The following FOXN3 variants were observed in gnomAD, a reference collection of about 807,000 sequenced individuals.
FOXN3 encodes forkhead box N3.
FOXN3 carries 7 observed loss-of-function variants against 38.4 expected under a neutral mutation model. The ratio of observed to expected loss-of-function variants is 0.18; its 90% confidence interval spans 0.10 to 0.34. The LOEUF is 0.34. Ranked by LOEUF, FOXN3 falls within the 10% of genes least tolerant of loss-of-function variation. The pLI is 1.00. For synonymous variants in FOXN3, 230 were observed against 242.2 expected (o/e 0.95, Z 0.47); for missense variants, 456 against 613.4 (o/e 0.74, Z 2.71).
chr14:89,463,690 A>G (rs375422758), intron 1 of FOXN3, among the ~76,000 whole-genome samples: 1 of 151,956 alleles, frequency 6.6e-6, no homozygotes, highest in East Asian at 1.9e-4. Flanking sequence ...ACATGACATC[A>G]TTGCTTCAGG....
intron 1 of FOXN3, among the ~76,000 whole-genome samples, chr14:89,567,969 G>A (rs143137745): frequency 0.011 from 1,698 of 151,914 alleles, 29 homozygotes; most frequent in African/African-American, 0.039. Context: ...TGATCCACCC[G>A]CCTCGGCCTC....
At chr14:89,586,605 G>C (rs775341054) in intron 1 of FOXN3, among the ~76,000 whole-genome samples, 2 of 152,190 alleles carry the variant, frequency 1.3e-5, no homozygotes, top group Non-Finnish European at 2.9e-5. Context: ...AAGGTATGCT[G>C]TTTTTTTGTT....
At chr14:89,453,749 CAT>C (rs986153626) in intron 1 of FOXN3, among the ~76,000 whole-genome samples, 2 of 152,068 alleles carry the variant, frequency 1.3e-5, no homozygotes, top group Non-Finnish European at 2.9e-5. Flanking sequence ...TGGGCCCCAT[CAT>C]TTTTAGAGGA....
chr14:89,498,380 AC>A (rs1893731598), intron 1 of FOXN3, among the ~76,000 whole-genome samples: 1 of 151,340 alleles, frequency 6.6e-6, no homozygotes, highest in African/African-American at 2.4e-5. Flanking sequence ...GTGCCACCAC[AC>A]CCAGCTAAAT....
chr14:89,433,721 T>C (rs1325071796), intron 1 of FOXN3, among the ~76,000 whole-genome samples: 5 of 150,112 alleles, frequency 3.3e-5, no homozygotes, highest in Non-Finnish European at 5.9e-5. Context: ...GTAGAATCGC[T>C]TGAATCCAGG....
intron 4 of FOXN3, among the ~76,000 whole-genome samples, chr14:89,267,469 G>A (rs1886019869): frequency 6.6e-6 from 1 of 152,136 alleles, no homozygotes; most frequent in South Asian, 2.1e-4. Context: ...GCTGGGGGAG[G>A]GGAAATGGAA....
intron 2 of FOXN3, among the ~76,000 whole-genome samples, chr14:89,363,965 T>TATATATATATATATA (rs1890019639): frequency 2.5e-5 from 1 of 39,598 alleles, no homozygotes. Flanking sequence ...TATATATATA[T>TATATATATATATATA]ATATATATAT....
chr14:89,580,509 A>C (rs1335170752), intron 1 of FOXN3, among the ~76,000 whole-genome samples: 1 of 152,216 alleles, frequency 6.6e-6, no homozygotes, highest in African/African-American at 2.4e-5. Flanking sequence ...AAGGGGATAC[A>C]GTCTCATCCT....
chr14:89,407,537 C>T (rs946494194), intron 2 of FOXN3, among the ~76,000 whole-genome samples: 17 of 152,196 alleles, frequency 1.1e-4, no homozygotes, highest in Non-Finnish European at 4.4e-5. Flanking sequence ...CTGCTTCAAA[C>T]TACTTCAGCA....
rs557627453 is a variant in FOXN3 at position 89,328,724 on chromosome 14, A to C, written c.680+21948T>G. Among the ~76,000 whole-genome samples, 5 of 152,338 alleles carry C rather than the reference A, an allele frequency of 3.3e-5. No homozygotes were observed. The South Asian group carries it at 1.0e-3, about 32-fold the overall frequency. On this transcript the variant is annotated intron_variant, in intron 3 of 5. Coordinates refer to ENST00000557258, the MANE Select transcript of FOXN3 (RefSeq NM_005197.4). ...AAACGGAGGCTTGGCTTTTTGGAGG[A>C]TGGCCCTTAGGAATCCATCTGGGGC... is the stretch of plus-strand genomic sequence containing the variant.
intron 1 of FOXN3, among the ~76,000 whole-genome samples, chr14:89,530,673 G>C (rs145374847): frequency 0.13 from 19,205 of 151,276 alleles, 2,097 homozygotes; most frequent in African/African-American, 0.3. Context: ...GCAGTGGCAC[G>C]ATCTTGGCTC....
chr14:89,436,009 A>AT (rs950467213), intron 1 of FOXN3, among the ~76,000 whole-genome samples: 1 of 81,196 alleles, frequency 1.2e-5, no homozygotes, highest in African/African-American at 3.9e-5. Flanking sequence ...ATTTTTCTTT[A>AT]TTATTTTTTT....
chr14:89,449,688 G>A (rs867188942), intron 1 of FOXN3, among the ~76,000 whole-genome samples: 7 of 152,174 alleles, frequency 4.6e-5, no homozygotes, highest in Non-Finnish European at 7.3e-5. Context: ...TTGCAATCTC[G>A]TTTGGAGCAG....
intron 1 of FOXN3, among the ~76,000 whole-genome samples, chr14:89,476,561 T>C (rs1893213438): frequency 6.6e-6 from 1 of 152,242 alleles, no homozygotes; most frequent in South Asian, 2.1e-4. Flanking sequence ...GGAGTTCATA[T>C]GCACACATCA....
intron 1 of FOXN3, among the ~76,000 whole-genome samples, chr14:89,458,071 G>T (rs1282446055): frequency 6.6e-6 from 1 of 150,772 alleles, no homozygotes; most frequent in Non-Finnish European, 1.5e-5. Context: ...GGCATGGAGA[G>T]TGCTGTGTCT....
chr14:89,496,504 G>A (rs960591296), intron 1 of FOXN3, among the ~76,000 whole-genome samples: 1 of 151,924 alleles, frequency 6.6e-6, no homozygotes, highest in Non-Finnish European at 1.5e-5. Context: ...AAAGATACCT[G>A]GGGGGGTCCT....
At chr14:89,352,593 A>C (rs1351385192) in intron 2 of FOXN3, among the ~76,000 whole-genome samples, 1 of 152,184 alleles carries the variant, frequency 6.6e-6, no homozygotes, top group African/African-American at 2.4e-5. Flanking sequence ...CTTGCACCCA[A>C]GGCTCCAAAC....
rs1566647011 is a variant in FOXN3 at position 89,414,312 on chromosome 14, T to C, written c.-14-1822A>G. ...ACCCTGTCTCAAAAAAATAAATAAA[T>C]AAAATTAAAAAGGCAAAGACATGAC... On this transcript the variant is annotated intron_variant, in intron 1 of 5. Transcript: ENST00000557258. Among the ~76,000 whole-genome samples the C allele has an allele frequency of 2.0e-5, 3 of 150,080 alleles. 1 individual carries two copies. Among genetic ancestry groups the C allele is most frequent in the Non-Finnish European group, 4.4e-5 (3 of 67,648 alleles).
intron 4 of FOXN3, among the ~76,000 whole-genome samples, chr14:89,183,683 G>C (rs532752062): frequency 3.5e-3 from 171 of 49,040 alleles, no homozygotes; most frequent in African/African-American, 0.015. Context: ...TAATGATGCA[G>C]AATGTGCTCA....
Sources: gnomAD v4.1 joint callset for allele counts (sites outside exome capture counted in the v4.1 genomes callset) on GRCh38, gnomAD v4.1.1 for gene constraint, MANE v1.5 for transcripts, NCBI Gene and HGNC (gene_info 2026-07-23, HGNC 2026-07-21) for gene names.